CNTNAP4: variants seen among roughly 807,000 people sequenced by gnomAD.
CNTNAP4 encodes contactin associated protein family member 4.
CNTNAP4 carries 98 observed loss-of-function variants against 148.4 expected under a neutral mutation model. The observed-to-expected ratio is 0.66, with a 90% confidence interval of 0.56 to 0.78. The LOEUF is 0.78. CNTNAP4 is among the 30% of genes least tolerant of loss of function. CNTNAP4 has a pLI of 0.00. For missense variants in CNTNAP4, 1,935 were observed against 1,565.6 expected (o/e 1.24, Z -3.98); for synonymous variants, 730 against 565.1 (o/e 1.29, Z -4.14).
chr16:76,442,596 A>T (rs1304242260), intron 4 of CNTNAP4, among the ~76,000 whole-genome samples: 2 of 152,116 alleles, frequency 1.3e-5, no homozygotes, highest in African/African-American at 2.4e-5. Context: ...GTCAAAAGGG[A>T]TGTGGAAAAG....
intron 12 of CNTNAP4, among the ~76,000 whole-genome samples, chr16:76,482,603 TA>T (rs2081876601): frequency 6.6e-6 from 1 of 152,196 alleles, no homozygotes; most frequent in Non-Finnish European, 1.5e-5. Flanking sequence ...GAAATTGCTA[TA>T]AATTAGTATC....
chr16:76,360,815 ATT>A (rs397745852), intron 3 of CNTNAP4, among the ~76,000 whole-genome samples: 1 of 122,288 alleles, frequency 8.2e-6, no homozygotes, highest in Non-Finnish European at 1.7e-5. Context: ...ACATGGCTGC[ATT>A]TTTTTTTTTT....
chr16:76,538,352 T>A lies in CNTNAP4; in HGVS notation c.3220+12T>A. ...CATTGCCAAAAATGGTGAGTTCTTT[T>A]TAGATGAGAGAGAGAAAATTAAATT... On this transcript the variant is annotated intron_variant, in intron 19 of 23. Transcript: ENST00000611870. The A allele has an allele frequency of 6.4e-7, 1 of 1,568,180 alleles. No homozygotes were observed. The highest frequency in any genetic ancestry group is 8.7e-7 in the Non-Finnish European group (1 of 1,143,292).
chr16:76,515,885 A>G (rs560591815), intron 15 of CNTNAP4, among the ~76,000 whole-genome samples: 28 of 152,308 alleles, frequency 1.8e-4, no homozygotes, highest in African/African-American at 6.5e-4. Flanking sequence ...GGAATGTCAA[A>G]TAACAAAACC....
chr16:76,371,726 G>C (rs1164149957), intron 3 of CNTNAP4, among the ~76,000 whole-genome samples: 1 of 152,184 alleles, frequency 6.6e-6, no homozygotes, highest in Non-Finnish European at 1.5e-5. Flanking sequence ...TTCACTGATG[G>C]TTTCCTTGTG....
In CNTNAP4 at chr16:76,516,208, C is replaced by T. The variant is rs923017535; in HGVS notation, c.2366-4932C>T. Among the ~76,000 whole-genome samples the T allele has an allele frequency of 6.2e-5, 9 of 145,502 alleles. No homozygotes were observed. In the East Asian group the frequency reaches 1.2e-3, roughly 20 times the overall value. ...ACATGTGGTGTTTGGTTTTCTGTTT[C>T]TGTGTTAGTGTGCTGAGACTAATGG... is the stretch of plus-strand genomic sequence containing the variant. On this transcript the variant is annotated intron_variant, in intron 15 of 23. Transcript: ENST00000611870.
At chr16:76,420,286 A>AGAATAATGTATAGTCTGTAGAATATAT in intron 3 of CNTNAP4, among the ~76,000 whole-genome samples, 1 of 151,526 alleles carries the variant, frequency 6.6e-6, no homozygotes, top group Admixed American at 6.6e-5. Flanking sequence ...GATAAATATT[A>AGAATAATGTATAGTCTGTAGAATATAT]ATTTCCCTTT....
chr16:76,558,640 T>C lies in CNTNAP4; in HGVS notation c.3884T>C (p.Ile1295Thr). 1.2e-6 allele frequency: 2 copies of C among 1,611,954 alleles called. No homozygotes were observed. ...GCTGTTCTGAAAAGTGAGCTTAATATACAAAATGCAGTCAATGAAAATCAG... is the reference window on the plus strand; with the variant it reads ...GCTGTTCTGAAAAGTGAGCTTAATACACAAAATGCAGTCAATGAAAATCAG... The part of the protein sequence containing the change: ...AEAVLKSELN[I>T]QNAVNENQKE... The change falls in exon 24 of 24, where the codon ATA becomes ACA. Residue 1295 changes from isoleucine to threonine, a missense_variant. Coordinates refer to ENST00000611870, the MANE Select transcript of CNTNAP4 (RefSeq NM_033401.5).
rs190882017 is a variant in CNTNAP4, at chr16:76,402,927, T to C, written c.391-24525T>C. 1.1e-3 allele frequency among the ~76,000 whole-genome samples: 171 copies of C among 152,294 alleles called. 1 individual carries two copies. The highest frequency in any genetic ancestry group is 3.8e-3 in the African/African-American group (156 of 41,560). On this transcript the variant is annotated intron_variant, in intron 3 of 23. Transcript: ENST00000611870. ...TGTGTTTTGTATAAGTTAGGTTCTT[T>C]TGCATTTGCTGAAGATTGTTTTATG...
chr16:76,557,801 G>A (rs2085256249), intron 23 of CNTNAP4: 2 of 152,088 alleles, frequency 1.3e-5, no homozygotes, highest in African/African-American at 4.8e-5. Flanking sequence ...AAATAGTTTT[G>A]AGCCCCTGTG....
intron 12 of CNTNAP4, among the ~76,000 whole-genome samples, chr16:76,480,167 G>C (rs991708321): frequency 6.6e-6 from 1 of 151,074 alleles, no homozygotes; most frequent in Non-Finnish European, 1.5e-5. Context: ...AAATATTGGG[G>C]AAAAAAAAGA....
intron 1 of CNTNAP4, among the ~76,000 whole-genome samples, chr16:76,311,529 T>A (rs1052347905): frequency 6.6e-6 from 1 of 152,220 alleles, no homozygotes; most frequent in African/African-American, 2.4e-5. Flanking sequence ...ATGTAACTAG[T>A]ATATATACAT....
At chr16:76,427,341 C>G in intron 3 of CNTNAP4, 111 bp from the exon 4 acceptor site, 1 of 800,054 alleles carries the variant, frequency 1.2e-6, no homozygotes, top group East Asian at 2.7e-5. Context: ...TAGAAGGTAG[C>G]ACCATTCATA....
rs2085287632 is a variant in CNTNAP4, at chr16:76,558,526, T to C, written c.3770T>C (p.Ile1257Thr). Reference sequence around the variant, plus strand: ...GTTGTGATTTTTATCTTGCTTTGCATCACTGCCATAGCTGTTCGCATTTAT... The same window carrying C: ...GTTGTGATTTTTATCTTGCTTTGCACCACTGCCATAGCTGTTCGCATTTAT... ...IAVVIFILLCITAIAVRIYQQ... is the reference protein window; with the variant it reads ...IAVVIFILLCTTAIAVRIYQQ... Residue 1257 changes from isoleucine (I) to threonine (T), a missense_variant, in exon 24 of 24, where the codon ATC (isoleucine) becomes ACC (threonine). Coordinates refer to ENST00000611870, the MANE Select transcript of CNTNAP4 (RefSeq NM_033401.5). 2.5e-6 allele frequency: 4 copies of C among 1,610,286 alleles called. No homozygotes were observed. Among genetic ancestry groups the C allele is most frequent in the Non-Finnish European group, 3.4e-6 (4 of 1,177,438 alleles).
intron 2 of CNTNAP4, among the ~76,000 whole-genome samples, chr16:76,327,680 C>T (rs1234195608): frequency 6.6e-6 from 1 of 152,172 alleles, no homozygotes; most frequent in Admixed American, 6.5e-5. Flanking sequence ...GGATGGCCTT[C>T]CCCTGGGAGT....
intron 2 of CNTNAP4, among the ~76,000 whole-genome samples, chr16:76,345,675 C>G (rs1202206898): frequency 6.6e-6 from 1 of 152,152 alleles, no homozygotes; most frequent in Non-Finnish European, 1.5e-5. Flanking sequence ...GAAGTCCTGT[C>G]TTTCTTGATG....
At chr16:76,541,387 A>C (rs2084448671) in intron 21 of CNTNAP4, among the ~76,000 whole-genome samples, 1 of 152,212 alleles carries the variant, frequency 6.6e-6, no homozygotes, top group South Asian at 2.1e-4. Flanking sequence ...ACATCAGAAT[A>C]TGTTTGCATT....
chr16:76,344,643 G>T (rs370718411), intron 2 of CNTNAP4, among the ~76,000 whole-genome samples: 2 of 152,174 alleles, frequency 1.3e-5, no homozygotes, highest in Non-Finnish European at 2.9e-5. Context: ...ATATTTTTCA[G>T]TGTTGTCAAA....
At chr16:76,495,223 G>A (rs1567115) in intron 14 of CNTNAP4, 157 bp downstream of exon 14, 7 of 712,298 alleles carry the variant, frequency 9.8e-6, no homozygotes, top group Non-Finnish European at 1.6e-5. Flanking sequence ...CAATATAATC[G>A]TTAGTATTAA....
Sources: gnomAD v4.1 joint callset for allele counts (sites outside exome capture counted in the v4.1 genomes callset) on GRCh38, gnomAD v4.1.1 for gene constraint, MANE v1.5 for transcripts, NCBI Gene and HGNC (gene_info 2026-07-23, HGNC 2026-07-21) for gene names.